Variants in CSMD1 observed in about 807,000 individuals in gnomAD.
CSMD1 encodes CUB and sushi domain-containing protein 1.
In CSMD1, 213 loss-of-function variants were observed where a neutral mutation model predicts 417.5. The observed-to-expected ratio is 0.51, with a 90% CI of 0.46 to 0.57. The LOEUF (loss-of-function observed/expected upper bound fraction) is 0.57. Ranked by LOEUF, CSMD1 falls within the 20% of genes least tolerant of loss-of-function variation. The probability of loss-of-function intolerance (pLI) is 0.00; values close to 1 mark genes in which losing one functional copy is unlikely to be tolerated. For synonymous variants in CSMD1, 2,862 were observed against 1,736.8 expected (o/e 1.65, Z -16.11); for missense variants, 6,923 against 4,529.7 (o/e 1.53, Z -15.17).
chr8:4,697,197 A>T (rs1807190991), intron 1 of CSMD1, among the ~76,000 whole-genome samples: 2 of 152,176 alleles, frequency 1.3e-5, no homozygotes, highest in Middle Eastern at 3.4e-3. Flanking sequence ...AAAATAAAAA[A>T]ATCAGAAAAA....
At chr8:4,440,731 C>T (rs1338917123) in intron 2 of CSMD1, among the ~76,000 whole-genome samples, 1 of 152,104 alleles carries the variant, frequency 6.6e-6, no homozygotes, top group Non-Finnish European at 1.5e-5. Context: ...TGTGGTGGTT[C>T]ATGCCTATAA....
chr8:4,301,719 C>G (rs1387996848), intron 3 of CSMD1, among the ~76,000 whole-genome samples: 3 of 152,178 alleles, frequency 2.0e-5, no homozygotes, highest in Non-Finnish European at 4.4e-5. Flanking sequence ...TGTGCATAGT[C>G]TGTTGCTGTG....
intron 2 of CSMD1, among the ~76,000 whole-genome samples, chr8:4,620,023 A>T (rs1336167840): frequency 6.6e-6 from 1 of 152,056 alleles, no homozygotes; most frequent in Non-Finnish European, 1.5e-5. Flanking sequence ...TTATATATGC[A>T]TTTTATAAAA....
intron 4 of CSMD1, among the ~76,000 whole-genome samples, chr8:4,030,571 T>C (rs1237513278): frequency 1.3e-5 from 2 of 152,270 alleles, no homozygotes; most frequent in East Asian, 1.9e-4. Flanking sequence ...AAAACTACTT[T>C]TATTCTCCTA....
At chr8:4,812,633 G>C (rs1183618395) in intron 1 of CSMD1, among the ~76,000 whole-genome samples, 1 of 151,968 alleles carries the variant, frequency 6.6e-6, no homozygotes, top group Non-Finnish European at 1.5e-5. Context: ...TATTTTCATA[G>C]ATCATTTAAA....
intron 18 of CSMD1, among the ~76,000 whole-genome samples, chr8:3,385,221 A>G (rs1394103708): frequency 6.8e-6 from 1 of 147,270 alleles, no homozygotes; most frequent in Non-Finnish European, 1.5e-5. Context: ...TCATATACAT[A>G]TACATGCATA....
chr8:4,950,437 G>A (rs976034139), intron 1 of CSMD1, among the ~76,000 whole-genome samples: 3 of 151,992 alleles, frequency 2.0e-5, no homozygotes, highest in South Asian at 2.1e-4. Flanking sequence ...TTAAATAAAC[G>A]ACTCAACTTG....
At chr8:3,513,126 TA>T (rs200899678) in intron 10 of CSMD1, among the ~76,000 whole-genome samples, 20 of 150,428 alleles carry the variant, frequency 1.3e-4, no homozygotes, top group African/African-American at 4.8e-4. Flanking sequence ...TTATTATTAT[TA>T]TTTTTTTTTA....
chr8:4,131,192 T>C (rs1334174116), intron 3 of CSMD1, among the ~76,000 whole-genome samples: 3 of 152,164 alleles, frequency 2.0e-5, no homozygotes, highest in Non-Finnish European at 2.9e-5. Context: ...AAAGACTTCA[T>C]AGTTAAATAG....
At chr8:4,434,054 G>C (rs546050186) in intron 2 of CSMD1, among the ~76,000 whole-genome samples, 6 of 152,234 alleles carry the variant, frequency 3.9e-5, no homozygotes, top group African/African-American at 4.8e-5. Flanking sequence ...TCTGGATCTA[G>C]GGGCTGGACA....
In CSMD1 at chr8:4,181,998, T is replaced by C. The variant is rs2656295; in HGVS notation, c.416-149899A>G. Among the ~76,000 whole-genome samples, 5 of 150,130 alleles carry C rather than the reference T, an allele frequency of 3.3e-5. No individual in the cohort carries two copies. In the East Asian group the frequency reaches 9.9e-4, roughly 30 times the overall value. On this transcript the variant is annotated intron_variant, in intron 3 of 69. Coordinates refer to ENST00000635120, the MANE Select transcript of CSMD1 (RefSeq NM_033225.6). ...TGATGTGTGTGTAATGTTTACATTT[T>C]TAAGTACACAGAAACTCATACACAC... is the stretch of plus-strand genomic sequence containing the variant.
intron 4 of CSMD1, among the ~76,000 whole-genome samples, 169 bp downstream of exon 4, chr8:4,031,736 T>C (rs1052290956): frequency 6.6e-6 from 1 of 152,250 alleles, no homozygotes; most frequent in African/African-American, 2.4e-5. Flanking sequence ...ATGTTATTTC[T>C]TACATAGTAA....
At chr8:3,770,354 C>A (rs935783759) in intron 5 of CSMD1, among the ~76,000 whole-genome samples, 5 of 152,110 alleles carry the variant, frequency 3.3e-5, no homozygotes, top group Admixed American at 2.6e-4. Context: ...TGTGGTGAAA[C>A]CCCGTCTCTA....
At chr8:3,837,074 G>C (rs12545154) in intron 5 of CSMD1, among the ~76,000 whole-genome samples, 56,021 of 150,892 alleles carry the variant, frequency 0.37, 11,103 homozygotes, top group African/African-American at 0.52. Flanking sequence ...TCAACATGAA[G>C]AGCTAGGAAG....
intron 12 of CSMD1, among the ~76,000 whole-genome samples, chr8:3,449,782 T>C (rs1014667770): frequency 1.3e-5 from 2 of 152,226 alleles, no homozygotes; most frequent in African/African-American, 4.8e-5. Flanking sequence ...CCTCCCAAAG[T>C]GCCAGCATTA....
chr8:4,903,425 T>C (rs917706163), intron 1 of CSMD1, among the ~76,000 whole-genome samples: 50 of 152,242 alleles, frequency 3.3e-4, no homozygotes, highest in Admixed American at 2.6e-4. Flanking sequence ...AGTGACTTTT[T>C]TTACCCTTGA....
At chr8:3,964,605 G>A (rs772421879) in intron 5 of CSMD1, among the ~76,000 whole-genome samples, 3 of 152,162 alleles carry the variant, frequency 2.0e-5, no homozygotes, top group Non-Finnish European at 4.4e-5. Context: ...AATCCCAATT[G>A]TAATGTTTTA....
intron 3 of CSMD1, among the ~76,000 whole-genome samples, chr8:4,186,197 T>C (rs189896229): frequency 1.3e-5 from 2 of 152,242 alleles, no homozygotes; most frequent in East Asian, 3.9e-4. Flanking sequence ...CCAGAGAACA[T>C]TGTGGAACAC....
At chr8:4,608,918 T>G (rs1010537609) in intron 2 of CSMD1, among the ~76,000 whole-genome samples, 3 of 152,066 alleles carry the variant, frequency 2.0e-5, no homozygotes, top group African/African-American at 7.3e-5. Flanking sequence ...GATCCAAAGT[T>G]AAGCCCTGTA....
Sources: gnomAD v4.1 joint callset for allele counts (sites outside exome capture counted in the v4.1 genomes callset) on GRCh38, gnomAD v4.1.1 for gene constraint, MANE v1.5 for transcripts, NCBI Gene and HGNC (gene_info 2026-07-23, HGNC 2026-07-21) for gene names.